Variants in DLG5 observed in about 807,000 individuals in gnomAD.
The protein encoded by DLG5 is disks large homolog 5.
In DLG5, 48 loss-of-function variants were observed where a neutral mutation model predicts 189.8. The observed-to-expected ratio is 0.25, with a 90% CI of 0.20 to 0.32. The LOEUF (loss-of-function observed/expected upper bound fraction) is 0.32. DLG5 is among the 10% of genes least tolerant of loss of function. DLG5 has a pLI of 1.00. For missense variants in DLG5, 2,160 were observed against 2,544.7 expected (o/e 0.85, Z 3.25); for synonymous variants, 1,016 against 1,054.1 (o/e 0.96, Z 0.70).
At chr10:77,840,546 C>T (rs1276095104) in intron 7 of DLG5, among the ~76,000 whole-genome samples, 2 of 152,088 alleles carry the variant, frequency 1.3e-5, no homozygotes, top group African/African-American at 4.8e-5. Flanking sequence ...GGCAAAGCCA[C>T]GTCTCTAGTA....
chr10:77,902,859 CAAAA>C (rs1379092209), intron 1 of DLG5, among the ~76,000 whole-genome samples: 30 of 146,702 alleles, frequency 2.0e-4, no homozygotes, highest in African/African-American at 5.9e-4. Context: ...GACTCCATCT[CAAAA>C]AATAAATAAA....
intron 16 of DLG5, 88 bp downstream of exon 16, chr10:77,819,807 T>C: frequency 6.7e-7 from 1 of 1,494,582 alleles, no homozygotes; most frequent in Admixed American, 2.3e-5. Context: ...ATGGCAGCTC[T>C]CTGAAATGCT....
chr10:77,905,051 C>T (rs1302974197), intron 1 of DLG5, among the ~76,000 whole-genome samples: 2 of 148,824 alleles, frequency 1.3e-5, no homozygotes, highest in Non-Finnish European at 2.9e-5. Context: ...ATCACTTGAA[C>T]CCGGGAGGCA....
chr10:77,815,258 C>T (rs1250911870), intron 20 of DLG5, among the ~76,000 whole-genome samples: 2 of 152,260 alleles, frequency 1.3e-5, no homozygotes, highest in Non-Finnish European at 2.9e-5. Context: ...TTCCGAGTTA[C>T]ACCCGATTCC....
chr10:77,868,662 A>T, intron 2 of DLG5: 1 of 222,280 alleles, frequency 4.5e-6, no homozygotes, highest in Non-Finnish European at 8.9e-6. Context: ...CTGAGAAACC[A>T]CTGCGGCCTT....
At chr10:77,840,766 A>G (rs1425440806) in intron 7 of DLG5, among the ~76,000 whole-genome samples, 1 of 152,156 alleles carries the variant, frequency 6.6e-6, no homozygotes, top group African/African-American at 2.4e-5. Flanking sequence ...TCGAGACCAC[A>G]TGACTGAGGA....
In DLG5 at chr10:77,822,113, T is replaced by C. The variant is rs764337152; in HGVS notation, c.2383-12A>G. 2 of 1,604,560 alleles carry C rather than the reference T, an allele frequency of 1.2e-6. No homozygotes were observed. The highest frequency in any genetic ancestry group is 8.5e-7 in the Non-Finnish European group (1 of 1,174,930). On this transcript the variant is annotated splice_polypyrimidine_tract_variant and intron_variant, in intron 14 of 31. Transcript: ENST00000372391. ...CTCTGAGGGAATACCTAGGCAGGGA[T>C]TGCAGAGGAGTGAGAGAGAGAGTGA...
rs528708917 is a variant in DLG5, at chr10:77,792,742, T to C, written c.5657-199A>G. 128 of 589,412 alleles carry C rather than the reference T, an allele frequency of 2.2e-4. 5 individuals are homozygous for C. The South Asian group carries it at 2.6e-3, about 12-fold the overall frequency. The allele number at this position is 589,412 out of a possible 1,614,324, so 36.5% of individuals were successfully genotyped here. On this transcript the variant is annotated intron_variant, in intron 31 of 31. Transcript: ENST00000372391. ...TTGCCCCTCTTGAGTTGATCACTCA[T>C]ATGTAAACTGCCCACCCCACTGCAG...
In DLG5 at chr10:77,821,263, G is replaced by A; in HGVS notation, c.3221C>T (p.Ala1074Val). The A allele has an allele frequency of 6.2e-7, 1 of 1,613,938 alleles. No homozygotes were observed. The highest frequency in any genetic ancestry group is 8.5e-7 in the Non-Finnish European group (1 of 1,180,052). Residue 1074 changes from alanine to valine, a missense_variant, in exon 15 of 32, where the codon GCT (alanine) becomes GTT (valine). By Grantham distance (64) the Ala-to-Val change is moderately conservative (BLOSUM62 0). This residue lies in a region of DLG5 where 754 missense variants were observed against 746.5 expected (regional missense o/e 1.01). Coordinates refer to ENST00000372391, the MANE Select transcript of DLG5 (RefSeq NM_004747.4). ...ATCTCCTTCAGGGTAGTAGCTGGAAGCAATGCGGACCCTGGCCTTGCGAGG... is the reference window on the plus strand; with the variant it reads ...ATCTCCTTCAGGGTAGTAGCTGGAAACAATGCGGACCCTGGCCTTGCGAGG... Reference protein sequence around the residue: ...SPPRKARVRIASSYYPEGDGD... With the variant: ...SPPRKARVRIVSSYYPEGDGD...
intron 13 of DLG5, among the ~76,000 whole-genome samples, chr10:77,825,069 C>T (rs1262567068): frequency 6.6e-6 from 1 of 152,128 alleles, no homozygotes. Context: ...CACTGCTCAG[C>T]AACGATAAGT....
At chr10:77,904,877 C>T (rs190265595) in intron 1 of DLG5, among the ~76,000 whole-genome samples, 1 of 150,508 alleles carries the variant, frequency 6.6e-6, no homozygotes, top group Non-Finnish European at 1.5e-5. Flanking sequence ...GCCTGTAATC[C>T]CAACACTTTG....
chr10:77,909,296 A>C (rs1846149744), intron 1 of DLG5, among the ~76,000 whole-genome samples: 1 of 152,166 alleles, frequency 6.6e-6, no homozygotes, highest in Admixed American at 6.5e-5. Context: ...CCTAAGTGAG[A>C]GTTGAACAAT....
At chr10:77,860,939 T>TA (rs1170167269) in intron 2 of DLG5, among the ~76,000 whole-genome samples, 2 of 152,238 alleles carry the variant, frequency 1.3e-5, no homozygotes, top group Non-Finnish European at 2.9e-5. Flanking sequence ...ACTTATTTTT[T>TA]AAAAAATCAA....
intron 1 of DLG5, among the ~76,000 whole-genome samples, chr10:77,888,511 A>C (rs1182422346): frequency 6.6e-6 from 1 of 152,202 alleles, no homozygotes; most frequent in Admixed American, 6.5e-5. Flanking sequence ...AAATGTGTTA[A>C]TATTCATCAG....
chr10:77,930,058 G>A (rs1485890551), upstream of DLG5, among the ~76,000 whole-genome samples: 1 of 152,142 alleles, frequency 6.6e-6, no homozygotes, highest in Non-Finnish European at 1.5e-5. Flanking sequence ...TTGTCTTTAA[G>A]GAGAGCCCTT....
intron 9 of DLG5, among the ~76,000 whole-genome samples, chr10:77,833,455 A>C (rs1471712784): frequency 6.6e-6 from 1 of 152,194 alleles, no homozygotes; most frequent in Non-Finnish European, 1.5e-5. Flanking sequence ...GCCCATGAGG[A>C]AAGGGACTTG....
At chr10:77,933,910 C>T in the DLG5 span, among the ~76,000 whole-genome samples, 1 of 148,466 alleles carries the variant, frequency 6.7e-6, no homozygotes, top group Non-Finnish European at 1.5e-5. Context: ...AGGCCGGGCA[C>T]GGTGGCTCAC....
In DLG5 at chr10:77,900,046, T is replaced by C. The variant is rs1307708202; in HGVS notation, c.304+26171A>G. ...AACACTTAGTGAACATTTGACTATG[T>C]GTCAAGTTCTCTGCTCTACAGTGTA... On this transcript the variant is annotated intron_variant, in intron 1 of 31. Transcript: ENST00000372391. Among the ~76,000 whole-genome samples the C allele has an allele frequency of 2.6e-5, 4 of 152,370 alleles. No homozygotes were observed. In the East Asian group the frequency reaches 7.7e-4, roughly 29 times the overall value.
At position 77,843,432 on chromosome 10, in the gene DLG5, T is replaced by A; in HGVS notation, c.1124+15A>T. The A allele has an allele frequency of 6.2e-7, 1 of 1,611,332 alleles. No individual in the cohort carries two copies. Among genetic ancestry groups the A allele is most frequent in the Non-Finnish European group, 8.5e-7 (1 of 1,179,048 alleles). On this transcript the variant is annotated intron_variant, in intron 6 of 31. Transcript: ENST00000372391. ...GGACCCATTTGCCCCCGGCCCCCGATGGCCCTAGCCCTACCTCCTCAGGGA... is the reference window on the plus strand; with the variant it reads ...GGACCCATTTGCCCCCGGCCCCCGAAGGCCCTAGCCCTACCTCCTCAGGGA...
Sources: allele counts gnomAD v4.1 joint callset (sites outside exome capture counted in the v4.1 genomes callset), GRCh38; gene constraint gnomAD v4.1.1; regional missense constraint gnomAD v4.1.1; transcripts MANE v1.5; gene names NCBI Gene and HGNC (gene_info 2026-07-23, HGNC 2026-07-21).